The following CDH13 variants were observed in gnomAD, a reference collection of about 807,000 sequenced individuals.
The protein encoded by CDH13 is cadherin 13, also known as cadherin-13.
A neutral mutation model predicts 63.8 loss-of-function variants in CDH13; 24 were observed. The observed-to-expected ratio is 0.38, with a 90% CI of 0.27 to 0.53. CDH13 has a LOEUF of 0.53. Among genes scored for constraint, CDH13 ranks in the 20% least tolerant of loss-of-function variants. The pLI is 0.85. For missense variants in CDH13, 1,049 were observed against 903.1 expected, an observed-to-expected ratio of 1.16 and a Z score of -2.07; for synonymous variants, 503 against 355.3, an observed-to-expected ratio of 1.42 and a Z score of -4.67.
Position 83,611,214 on chromosome 16 carries a change from A to AT in CDH13, c.1101+8630dup, listed in dbSNP as rs559113062. Among the ~76,000 whole-genome samples, 18 of 149,284 alleles carry AT rather than the reference A, an allele frequency of 1.2e-4. 1 individual carries two copies. The highest frequency in any genetic ancestry group is 5.9e-4 in the East Asian group (3 of 5,110). On this transcript the variant is annotated intron_variant, in intron 8 of 13. Coordinates refer to ENST00000567109, the MANE Select transcript of CDH13 (RefSeq NM_001257.5). ...TCCTTTGAGTTATATACATGTTGCAATTTTTTTTTTACACTCTGGCTTTCC... is the reference window on the plus strand; with the variant it reads ...TCCTTTGAGTTATATACATGTTGCAATTTTTTTTTTTACACTCTGGCTTTCC...
chr16:83,195,099 A>AT (rs1423414604), intron 4 of CDH13, among the ~76,000 whole-genome samples: 1 of 152,150 alleles, frequency 6.6e-6, no homozygotes, highest in Admixed American at 6.5e-5. Context: ...GTGGAGAATT[A>AT]TTTTTTTCAG....
At chr16:83,603,335 G>A (rs1372210571) in intron 8 of CDH13, among the ~76,000 whole-genome samples, 5 of 152,226 alleles carry the variant, frequency 3.3e-5, no homozygotes, top group African/African-American at 1.2e-4. Flanking sequence ...GAATAGGTAC[G>A]ATGGCCCCTG....
chr16:83,779,172 C>T (rs1013337370), intron 11 of CDH13, among the ~76,000 whole-genome samples: 1 of 151,764 alleles, frequency 6.6e-6, no homozygotes, highest in Admixed American at 6.6e-5. Flanking sequence ...TTTGGGAGGC[C>T]TAGGCAGGCG....
At chr16:83,000,841 G>C (rs1015075317) in intron 2 of CDH13, among the ~76,000 whole-genome samples, 1 of 152,000 alleles carries the variant, frequency 6.6e-6, no homozygotes, top group African/African-American at 2.4e-5. Flanking sequence ...GGCCTCCCAA[G>C]GTTCTGGGAT....
chr16:83,748,277 G>A, intron 11 of CDH13, 27 bp downstream of exon 11: 1 of 1,562,166 alleles, frequency 6.4e-7, no homozygotes, highest in Non-Finnish European at 8.7e-7. Flanking sequence ...GACCATCAAG[G>A]GTATACTTTT....
At chr16:83,178,650 T>A (rs2151740666) in intron 4 of CDH13, among the ~76,000 whole-genome samples, 1 of 152,202 alleles carries the variant, frequency 6.6e-6, no homozygotes, top group African/African-American at 2.4e-5. Context: ...TTAAATGGAG[T>A]GTGTAATTTT....
intron 6 of CDH13, among the ~76,000 whole-genome samples, chr16:83,408,334 G>A (rs1165679943): frequency 6.6e-6 from 1 of 152,184 alleles, no homozygotes; most frequent in Non-Finnish European, 1.5e-5. Context: ...TACCTTCTGA[G>A]AAGGTATCAT....
intron 7 of CDH13, among the ~76,000 whole-genome samples, chr16:83,577,138 T>C (rs543569274): frequency 2.6e-5 from 4 of 152,312 alleles, no homozygotes; most frequent in Non-Finnish European, 5.9e-5. Context: ...CTGCGGGCTT[T>C]CACTTCCATC....
chr16:83,254,803 A>G (rs1290933561), intron 5 of CDH13, among the ~76,000 whole-genome samples: 1 of 152,158 alleles, frequency 6.6e-6, no homozygotes, highest in Non-Finnish European at 1.5e-5. Flanking sequence ...TGTAACCATA[A>G]AGATAACTGA....
At chr16:82,885,083 G>C (rs1286635644) in intron 2 of CDH13, among the ~76,000 whole-genome samples, 2 of 152,120 alleles carry the variant, frequency 1.3e-5, no homozygotes, top group South Asian at 2.1e-4. Context: ...CAAGAGAAGG[G>C]GATGTTGTTC....
chr16:83,443,256 A>G (rs2072536701), intron 6 of CDH13, among the ~76,000 whole-genome samples: 1 of 152,052 alleles, frequency 6.6e-6, no homozygotes, highest in South Asian at 2.1e-4. Flanking sequence ...TTGCTGCTTC[A>G]CCCCTGGGGA....
At chr16:83,620,487 A>G (rs566445310) in intron 8 of CDH13, among the ~76,000 whole-genome samples, 1 of 152,178 alleles carries the variant, frequency 6.6e-6, no homozygotes, top group South Asian at 2.1e-4. Context: ...GAGTGAGTCA[A>G]TGGCTAGGAG....
rs143920375 is a variant in CDH13, at chr16:83,579,299, A to T, written c.961-23155A>T. ...CTACACTGTCATTGTGTTAGTTCTC[A>T]TATTCCTATAAAGAAATACCTGAGA... On this transcript the variant is annotated intron_variant, in intron 7 of 13. Coordinates refer to ENST00000567109, the MANE Select transcript of CDH13 (RefSeq NM_001257.5). Among the ~76,000 whole-genome samples, 10 of 152,294 alleles carry T rather than the reference A, an allele frequency of 6.6e-5. No homozygotes were observed. The East Asian group carries it at 1.9e-3, about 29-fold the overall frequency.
chr16:83,041,750 G>C (rs1161582090), intron 3 of CDH13, among the ~76,000 whole-genome samples: 2 of 152,178 alleles, frequency 1.3e-5, no homozygotes, highest in African/African-American at 4.8e-5. Flanking sequence ...TCAGCCACAT[G>C]ATACTGAAAA....
rs774508881 is a variant in CDH13, at chr16:83,093,710, G to A, written c.367-31675G>A. On this transcript the variant is annotated intron_variant, in intron 3 of 13. Transcript: ENST00000567109. ...TCTCTTCCATGCACATCTTCATGCC[G>A]GAATTTGCTAGGCGCTTGTACCTCC... Among the ~76,000 whole-genome samples the A allele has an allele frequency of 3.3e-4, 50 of 152,116 alleles. 1 individual carries two copies. Among genetic ancestry groups the A allele is most frequent in the Non-Finnish European group, 5.4e-4 (37 of 68,034 alleles).
intron 10 of CDH13, among the ~76,000 whole-genome samples, chr16:83,733,027 G>A (rs1319307944): frequency 6.6e-6 from 1 of 152,206 alleles, no homozygotes; most frequent in African/African-American, 2.4e-5. Flanking sequence ...ACATCAGATA[G>A]TAAATGCCTT....
chr16:82,982,920 G>C (rs894784566), intron 2 of CDH13, among the ~76,000 whole-genome samples: 5 of 152,118 alleles, frequency 3.3e-5, no homozygotes, highest in African/African-American at 1.2e-4. Flanking sequence ...CGGAGTGAAA[G>C]GGATACTCCT....
intron 1 of CDH13, among the ~76,000 whole-genome samples, chr16:82,810,720 T>G (rs1334633623): frequency 6.6e-6 from 1 of 152,032 alleles, no homozygotes; most frequent in Non-Finnish European, 1.5e-5. Flanking sequence ...AACCCTTCAG[T>G]CAGCTGTGGG....
chr16:83,372,489 C>A (rs949988456), intron 6 of CDH13, among the ~76,000 whole-genome samples: 1 of 152,094 alleles, frequency 6.6e-6, no homozygotes, highest in African/African-American at 2.4e-5. Context: ...TGCGGTGGCT[C>A]ATGCCTGTTA....
Sources: allele counts gnomAD v4.1 joint callset (sites outside exome capture counted in the v4.1 genomes callset), GRCh38; gene constraint gnomAD v4.1.1; transcripts MANE v1.5; gene names NCBI Gene and HGNC (gene_info 2026-07-23, HGNC 2026-07-21).